The following RIPOR2 variants were observed in gnomAD, a reference collection of about 807,000 sequenced individuals.
RIPOR2 encodes RHO family interacting cell polarization regulator 2.
RIPOR2 carries 39 observed loss-of-function variants against 114.5 expected under a neutral mutation model. The ratio of observed to expected loss-of-function variants is 0.34; its 90% CI spans 0.26 to 0.44. RIPOR2 has a LOEUF of 0.44. Among genes scored for constraint, RIPOR2 ranks in the 20% least tolerant of loss-of-function variants. The probability of loss-of-function intolerance (pLI) is 1.00; values close to 1 mark genes in which losing one functional copy is unlikely to be tolerated. For synonymous variants in RIPOR2, 445 were observed against 484.4 expected, an observed-to-expected ratio of 0.92 and a Z score of 1.07; for missense variants, 1,007 against 1,255.1, an observed-to-expected ratio of 0.80 and a Z score of 2.99.
At chr6:24,831,669 C>G (rs1472114903) in intron 16 of RIPOR2, among the ~76,000 whole-genome samples, 1 of 152,278 alleles carries the variant, frequency 6.6e-6, no homozygotes, top group South Asian at 2.1e-4. Flanking sequence ...CAGAGATTAT[C>G]TGGAAGACCC....
intron 9 of RIPOR2, among the ~76,000 whole-genome samples, chr6:24,852,367 G>A (rs1234881237): frequency 6.6e-6 from 1 of 151,994 alleles, no homozygotes; most frequent in African/African-American, 2.4e-5. Context: ...GAGCAAATGT[G>A]GCATAATGTT....
intron 8 of RIPOR2, among the ~76,000 whole-genome samples, chr6:24,853,431 G>C (rs1007284104): frequency 1.3e-5 from 2 of 152,152 alleles, no homozygotes; most frequent in African/African-American, 4.8e-5. Flanking sequence ...TTTACTGAGA[G>C]CCGGCTATAT....
chr6:25,019,956 C>T (rs972435956), intron 1 of RIPOR2, among the ~76,000 whole-genome samples: 1 of 151,612 alleles, frequency 6.6e-6, no homozygotes, highest in African/African-American at 2.4e-5. Flanking sequence ...AAACTGAATA[C>T]ATGGTGTGAT....
At chr6:24,875,576 G>T (rs1765641747) in intron 2 of RIPOR2, 115 bp downstream of exon 2, 13 of 890,464 alleles carry the variant, frequency 1.5e-5, no homozygotes, top group Non-Finnish European at 2.2e-5. Context: ...GATTAAAATG[G>T]GGAGGAGGCC....
intron 1 of RIPOR2, among the ~76,000 whole-genome samples, chr6:24,884,401 T>G (rs1318454004): frequency 6.6e-6 from 1 of 152,066 alleles, no homozygotes; most frequent in East Asian, 1.9e-4. Context: ...AGAGCGAGAC[T>G]CCATCTCAAA....
Position 24,904,552 on chromosome 6 carries a change from C to T in RIPOR2, c.62-28735G>A, listed in dbSNP as rs550410248. Among the ~76,000 whole-genome samples, 10 of 152,284 alleles carry T rather than the reference C, an allele frequency of 6.6e-5. No homozygotes were observed. In the East Asian group the frequency reaches 1.2e-3, roughly 18 times the overall value. On this transcript the variant is annotated intron_variant, in intron 1 of 21. Transcript: ENST00000643898. Reference sequence around the variant, plus strand: ...GCAAAGTCCCTTTTGCCATGTAGGGCGACATAGTCACAGGTTCCTGGCATT... The same window carrying T: ...GCAAAGTCCCTTTTGCCATGTAGGGTGACATAGTCACAGGTTCCTGGCATT...
At chr6:25,034,202 T>C (rs1777131413) in intron 1 of RIPOR2, among the ~76,000 whole-genome samples, 1 of 152,056 alleles carries the variant, frequency 6.6e-6, no homozygotes, top group Non-Finnish European at 1.5e-5. Context: ...TGTTTCTGTA[T>C]TGTTTGATTT....
chr6:24,947,501 A>C (rs1772485161), intron 1 of RIPOR2, among the ~76,000 whole-genome samples: 1 of 152,258 alleles, frequency 6.6e-6, no homozygotes, highest in Admixed American at 6.5e-5. Context: ...AAAACCCCAG[A>C]ATAAAAGAAA....
At chr6:24,926,233 G>T (rs1002710449) in intron 1 of RIPOR2, among the ~76,000 whole-genome samples, 1 of 152,156 alleles carries the variant, frequency 6.6e-6, no homozygotes, top group Non-Finnish European at 1.5e-5. Context: ...GATGGGGGAG[G>T]CAGTGCCTCT....
intron 1 of RIPOR2, among the ~76,000 whole-genome samples, chr6:24,894,666 C>T (rs979863913): frequency 3.3e-5 from 5 of 152,196 alleles, no homozygotes; most frequent in African/African-American, 1.2e-4. Flanking sequence ...CTCCTGTTCC[C>T]CGTCCCCAGG....
At chr6:24,946,234 C>A (rs185306670) in intron 1 of RIPOR2, among the ~76,000 whole-genome samples, 161 of 152,014 alleles carry the variant, frequency 1.1e-3, no homozygotes, top group Non-Finnish European at 1.6e-3. Context: ...ACCACCATGC[C>A]CAGCTAATTT....
At chr6:24,846,494 C>T (rs1275624020) in intron 12 of RIPOR2, among the ~76,000 whole-genome samples, 9 of 151,888 alleles carry the variant, frequency 5.9e-5, no homozygotes, top group South Asian at 2.1e-4. Flanking sequence ...TTTGTAGAGA[C>T]GGGGTCTCAC....
chr6:24,934,054 C>A (rs115929635), intron 1 of RIPOR2, among the ~76,000 whole-genome samples: 1,853 of 152,244 alleles, frequency 0.012, 21 homozygotes, highest in South Asian at 0.034. Flanking sequence ...TCTTAAGTAT[C>A]ATAGCCAGAT....
chr6:24,966,934 C>T (rs1032076261), intron 1 of RIPOR2, among the ~76,000 whole-genome samples: 5 of 152,216 alleles, frequency 3.3e-5, no homozygotes, highest in Admixed American at 1.3e-4. Flanking sequence ...GCAAGTCCTT[C>T]AAGGTGGTCT....
intron 1 of RIPOR2, among the ~76,000 whole-genome samples, chr6:24,986,890 T>C (rs935967515): frequency 4.7e-5 from 7 of 149,982 alleles, no homozygotes; most frequent in Admixed American, 1.3e-4. Flanking sequence ...ACACATAAAA[T>C]ACACGAACAC....
chr6:24,823,329 G>A (rs976875305), intron 19 of RIPOR2, among the ~76,000 whole-genome samples: 1 of 152,216 alleles, frequency 6.6e-6, no homozygotes, highest in Non-Finnish European at 1.5e-5. Context: ...TCCAAATTCT[G>A]TTACTTAACT....
chr6:24,850,621 C>A lies in RIPOR2; in HGVS notation c.861G>T (p.Leu287=). 1.2e-6 allele frequency: 2 copies of A among 1,613,960 alleles called. No individual in the cohort carries two copies. Among genetic ancestry groups the A allele is most frequent in the Non-Finnish European group, 1.7e-6 (2 of 1,179,866 alleles). ...WDGEETVFLP[L]IVGFISIKVT... The stretch of plus-strand genomic sequence containing the variant: ...CCTTGATGGAGATGAACCCAACTAT[C>A]AGGGGCAGAAAAACTGTTTCTTCTC... The change falls in exon 10 of 22, where the codon CTG becomes CTT. Residue 287 remains leucine, a synonymous_variant. Transcript: ENST00000643898.
intron 1 of RIPOR2, among the ~76,000 whole-genome samples, chr6:24,982,016 T>G (rs1774317526): frequency 6.6e-6 from 1 of 152,206 alleles, no homozygotes; most frequent in Non-Finnish European, 1.5e-5. Context: ...ACTTTTTGCC[T>G]TATGAGGAAT....
In RIPOR2 at chr6:24,875,701, T is replaced by G. The variant is rs1765668246; in HGVS notation, c.178A>C (p.Arg60=). 6.2e-7 allele frequency: 1 copy of G among 1,612,982 alleles called. No homozygotes were observed. The highest frequency in any genetic ancestry group is 1.3e-5 in the African/African-American group (1 of 74,910). ...CCACACAGTACTTGCCTGGATCGCC[T>G]TTCCTGGAGGCCGCTGAAACCCGCA... The part of the protein sequence containing the change: ...SFAGFSGLQE[R]RSRCNSFIEN... The change falls in exon 2 of 22, where the codon AGG becomes CGG. Residue 60 remains arginine, a synonymous_variant. Coordinates refer to ENST00000643898, the MANE Select transcript of RIPOR2 (RefSeq NM_001286445.3).
Sources: gnomAD v4.1 joint callset for allele counts (sites outside exome capture counted in the v4.1 genomes callset) on GRCh38, gnomAD v4.1.1 for gene constraint, MANE v1.5 for transcripts, NCBI Gene and HGNC (gene_info 2026-07-23, HGNC 2026-07-21) for gene names.